CCDC148: variants seen among roughly 807,000 people sequenced by gnomAD.
The protein encoded by CCDC148 is coiled-coil domain-containing protein 148.
CCDC148 carries 89 observed loss-of-function variants against 85.7 expected under a neutral mutation model. That is an observed-to-expected ratio of 1.04 (90% CI 0.87 to 1.24). The LOEUF (loss-of-function observed/expected upper bound fraction) is 1.24. CCDC148 is among the 50% of genes most tolerant of loss of function. The pLI is 0.00. For missense variants in CCDC148, 692 were observed against 671.7 expected (o/e 1.03, Z -0.33); for synonymous variants, 230 against 213.9 (o/e 1.08, Z -0.66).
At chr2:158,389,782 G>A (rs1006950156) in intron 1 of CCDC148, among the ~76,000 whole-genome samples, 10 of 152,150 alleles carry the variant, frequency 6.6e-5, no homozygotes, top group African/African-American at 2.4e-4. Flanking sequence ...AAGTTTAAGT[G>A]GAGTAGTGCA....
chr2:158,279,789 C>T lies in CCDC148; in HGVS notation c.1111-28877G>A, dbSNP rs550563984. On this transcript the variant is annotated intron_variant, in intron 9 of 13. Coordinates refer to ENST00000283233, the MANE Select transcript of CCDC148 (RefSeq NM_138803.4). Reference sequence around the variant, plus strand: ...AAATACAGAGAACGCCACAAAGATACTCCTCGAGAAGACCAACTCCAAGAC... The same window carrying T: ...AAATACAGAGAACGCCACAAAGATATTCCTCGAGAAGACCAACTCCAAGAC... Among the ~76,000 whole-genome samples the T allele has an allele frequency of 2.0e-5, 3 of 151,976 alleles. No homozygotes were observed. The East Asian group carries it at 5.8e-4, about 29-fold the overall frequency.
At chr2:158,372,564 C>T (rs976592734) in intron 1 of CCDC148, among the ~76,000 whole-genome samples, 59 of 152,144 alleles carry the variant, frequency 3.9e-4, no homozygotes, top group African/African-American at 1.4e-3. Context: ...CATACCTGGA[C>T]TTGATGTAAG....
chr2:158,249,145 C>T (rs7558874), intron 10 of CCDC148, among the ~76,000 whole-genome samples: 152,247 of 152,284 alleles, frequency 1, 76,105 homozygotes, highest in Non-Finnish European at 1. Flanking sequence ...ATTTAATTTG[C>T]ATGGCTTTAC....
intron 1 of CCDC148, among the ~76,000 whole-genome samples, chr2:158,393,725 A>T (rs1685413391): frequency 6.6e-6 from 1 of 152,198 alleles, no homozygotes; most frequent in Non-Finnish European, 1.5e-5. Flanking sequence ...AAGAGAGCAG[A>T]TCACAGAGGT....
intron 1 of CCDC148, among the ~76,000 whole-genome samples, chr2:158,392,019 G>T (rs762090301): frequency 6.6e-6 from 1 of 152,018 alleles, no homozygotes; most frequent in Non-Finnish European, 1.5e-5. Flanking sequence ...AGAAAGTGAT[G>T]ACTTCACCAG....
In CCDC148 at chr2:158,310,307, C is replaced by T. The variant is rs539676290; in HGVS notation, c.904-668G>A. ...TTCTTAGTACAGAACAAAATGGAGT[C>T]TCCTATGTCTACTTCTTTCTACACA... On this transcript the variant is annotated intron_variant, in intron 8 of 13. Coordinates refer to ENST00000283233, the MANE Select transcript of CCDC148 (RefSeq NM_138803.4). Among the ~76,000 whole-genome samples, 26 of 152,308 alleles carry T rather than the reference C, an allele frequency of 1.7e-4. 1 individual carries two copies. The East Asian group carries it at 4.4e-3, about 26-fold the overall frequency.
At chr2:158,369,230 G>C (rs1377073020) in intron 1 of CCDC148, among the ~76,000 whole-genome samples, 1 of 151,822 alleles carries the variant, frequency 6.6e-6, no homozygotes, top group Non-Finnish European at 1.5e-5. Flanking sequence ...GTAGTTTAAT[G>C]GGAATAGCAT....
At chr2:158,456,374 C>G (rs1310715966) in intron 1 of CCDC148, 41 bp downstream of exon 1, 2 of 1,602,450 alleles carry the variant, frequency 1.2e-6, no homozygotes, top group Non-Finnish European at 1.7e-6. Flanking sequence ...TCAGTGACGT[C>G]AGGAGGAAGC....
At chr2:158,334,176 T>C (rs1290470641) in intron 7 of CCDC148, among the ~76,000 whole-genome samples, 3 of 152,176 alleles carry the variant, frequency 2.0e-5, no homozygotes, top group Non-Finnish European at 4.4e-5. Flanking sequence ...TTGTCTACAC[T>C]GAGCCTCTAG....
intron 10 of CCDC148, among the ~76,000 whole-genome samples, chr2:158,241,995 T>C (rs1688370045): frequency 6.6e-6 from 1 of 152,200 alleles, no homozygotes; most frequent in Non-Finnish European, 1.5e-5. Flanking sequence ...AACCATAGGA[T>C]GTACTTACTA....
At chr2:158,420,795 C>T (rs567454656) in intron 1 of CCDC148, among the ~76,000 whole-genome samples, 1 of 151,812 alleles carries the variant, frequency 6.6e-6, no homozygotes, top group South Asian at 2.1e-4. Flanking sequence ...AGACTGGCAA[C>T]TTGGATAGAG....
chr2:158,316,582 A>G (rs1363427221), intron 7 of CCDC148, among the ~76,000 whole-genome samples: 1 of 152,216 alleles, frequency 6.6e-6, no homozygotes, highest in African/African-American at 2.4e-5. Flanking sequence ...AAATTTAAAA[A>G]ACATGCTTAA....
chr2:158,393,782 A>G (rs1023948236), intron 1 of CCDC148, among the ~76,000 whole-genome samples: 34 of 152,294 alleles, frequency 2.2e-4, no homozygotes, highest in African/African-American at 5.5e-4. Flanking sequence ...TCATATTAAA[A>G]GACATTGCTA....
chr2:158,449,941 C>A (rs915815745), intron 1 of CCDC148, among the ~76,000 whole-genome samples: 2 of 151,782 alleles, frequency 1.3e-5, no homozygotes, highest in Admixed American at 1.3e-4. Flanking sequence ...TACCGTGAAT[C>A]GGTGTTGTAT....
In CCDC148 at chr2:158,176,534, T is replaced by G; in HGVS notation, c.1616A>C (p.Tyr539Ser). Residue 539 changes from tyrosine to serine, a missense_variant, in exon 13 of 14, where the codon TAC (tyrosine) becomes TCC (serine). Physicochemically the swap from Tyr to Ser is moderately radical, Grantham distance 144 (BLOSUM62 -2). Coordinates refer to ENST00000283233, the MANE Select transcript of CCDC148 (RefSeq NM_138803.4). The stretch of plus-strand genomic sequence containing the variant: ...TTCCATAATTACCTGCTGTTCATTG[T>G]ATGTATTCAATGTGAAGAGTGGCTT... Reference protein sequence around the residue: ...LQKPLFTLNTYNEQQIISDPR... With the variant: ...LQKPLFTLNTSNEQQIISDPR... 1 of 1,611,574 alleles carries G rather than the reference T, an allele frequency of 6.2e-7. No homozygotes were observed. Among genetic ancestry groups the G allele is most frequent in the Non-Finnish European group, 8.5e-7 (1 of 1,178,454 alleles).
At chr2:158,349,755 A>C (rs546154857) in intron 2 of CCDC148, among the ~76,000 whole-genome samples, 14 of 152,112 alleles carry the variant, frequency 9.2e-5, no homozygotes, top group Non-Finnish European at 1.8e-4. Flanking sequence ...AGATATAATA[A>C]AAAATGAAAA....
chr2:158,261,884 G>C (rs1689239848), intron 9 of CCDC148, among the ~76,000 whole-genome samples: 1 of 152,008 alleles, frequency 6.6e-6, no homozygotes, highest in Non-Finnish European at 1.5e-5. Context: ...GCAAGGTTGT[G>C]GAGAAAAGAG....
At chr2:158,216,471 A>T (rs576655581) in intron 11 of CCDC148, among the ~76,000 whole-genome samples, 1 of 131,664 alleles carries the variant, frequency 7.6e-6, no homozygotes, top group Admixed American at 9.9e-5. Context: ...ATCTCGGCTC[A>T]CTGCAACCTC....
intron 9 of CCDC148, among the ~76,000 whole-genome samples, chr2:158,283,009 A>C (rs998128696): frequency 6.6e-6 from 1 of 152,220 alleles, no homozygotes; most frequent in African/African-American, 2.4e-5. Flanking sequence ...GACAAACCTG[A>C]GAAAAACAAG....
Sources: allele counts gnomAD v4.1 joint callset (sites outside exome capture counted in the v4.1 genomes callset), GRCh38; gene constraint gnomAD v4.1.1; transcripts MANE v1.5; gene names NCBI Gene and HGNC (gene_info 2026-07-23, HGNC 2026-07-21).